Variants in RASAL2 observed in about 807,000 individuals in gnomAD.
RASAL2 encodes ras GTPase-activating protein nGAP.
Under a neutral mutation model 128.9 loss-of-function variants are expected in RASAL2, and 58 were observed. The observed-to-expected ratio is 0.45, with a 90% CI of 0.36 to 0.56. The LOEUF (loss-of-function observed/expected upper bound fraction) is 0.56, where lower values mean the gene tolerates loss of function less well. Ranked by LOEUF, RASAL2 falls within the 20% of genes least tolerant of loss-of-function variation. The probability of loss-of-function intolerance (pLI) is 0.00; values close to 1 mark genes in which losing one functional copy is unlikely to be tolerated. For missense variants in RASAL2, 1,360 were observed against 1,601.6 expected, an observed-to-expected ratio of 0.85 and a Z score of 2.57; for synonymous variants, 561 against 580.8, an observed-to-expected ratio of 0.97 and a Z score of 0.49.
chr1:178,240,930 T>A (rs1664470496), intron 1 of RASAL2, among the ~76,000 whole-genome samples: 1 of 151,458 alleles, frequency 6.6e-6, no homozygotes, highest in South Asian at 2.1e-4. Context: ...TTTATACATA[T>A]TTTTATTTTT....
At chr1:178,162,174 C>G (rs1164834859) in intron 1 of RASAL2, among the ~76,000 whole-genome samples, 2 of 147,780 alleles carry the variant, frequency 1.4e-5, no homozygotes, top group African/African-American at 5.0e-5. Flanking sequence ...ACCGTGTTAG[C>G]CAGGATGGTC....
intron 1 of RASAL2, among the ~76,000 whole-genome samples, chr1:178,108,392 A>T (rs1435446744): frequency 6.6e-6 from 1 of 152,194 alleles, no homozygotes; most frequent in Non-Finnish European, 1.5e-5. Context: ...GAGCATGATG[A>T]TAATGATGAT....
At chr1:178,464,011 A>G (rs1647379384) in intron 14 of RASAL2, among the ~76,000 whole-genome samples, 1 of 152,206 alleles carries the variant, frequency 6.6e-6, no homozygotes, top group South Asian at 2.1e-4. Flanking sequence ...AACAATTTTA[A>G]GGCTTTGACT....
At chr1:178,098,229 T>C (rs533529307) in intron 1 of RASAL2, among the ~76,000 whole-genome samples, 8 of 152,354 alleles carry the variant, frequency 5.3e-5, no homozygotes, top group Admixed American at 3.3e-4. Context: ...AGTAAGTCAG[T>C]GTCTGTTGTA....
chr1:178,464,568 GT>G (rs1484550352), intron 15 of RASAL2, among the ~76,000 whole-genome samples, 156 bp downstream of exon 15: 3 of 57,216 alleles, frequency 5.2e-5, no homozygotes, highest in Non-Finnish European at 9.1e-5. Flanking sequence ...TAGGTCAGTG[GT>G]GTGTGTGTGT....
At chr1:178,273,030 C>A (rs892536347) in intron 1 of RASAL2, among the ~76,000 whole-genome samples, 2 of 152,010 alleles carry the variant, frequency 1.3e-5, no homozygotes, top group Non-Finnish European at 2.9e-5. Flanking sequence ...GAACCCTGCA[C>A]GTGTATTGTG....
chr1:178,167,533 G>GCCAT (rs1661558645), intron 1 of RASAL2, among the ~76,000 whole-genome samples: 1 of 151,924 alleles, frequency 6.6e-6, no homozygotes, highest in African/African-American at 2.4e-5. Flanking sequence ...AATGGGTATG[G>GCCAT]GGGTGTCTAT....
intron 1 of RASAL2, among the ~76,000 whole-genome samples, chr1:178,224,315 C>CTT (rs1369035359): frequency 6.7e-6 from 1 of 148,774 alleles, no homozygotes; most frequent in Admixed American, 6.7e-5. Flanking sequence ...TTAAATAAAT[C>CTT]TTTTATTCCA....
chr1:178,323,361 C>CG (rs1668885516), intron 3 of RASAL2, among the ~76,000 whole-genome samples: 1 of 152,108 alleles, frequency 6.6e-6, no homozygotes, highest in East Asian at 1.9e-4. Flanking sequence ...TCTTGACTTT[C>CG]AGGTGGAGCA....
At chr1:178,096,361 G>T (rs1658682304) in intron 1 of RASAL2, among the ~76,000 whole-genome samples, 1 of 152,040 alleles carries the variant, frequency 6.6e-6, no homozygotes, top group Admixed American at 6.6e-5. Context: ...TGGACCTAGT[G>T]TTAACTATCG....
intron 2 of RASAL2, among the ~76,000 whole-genome samples, chr1:178,287,588 G>T (rs920150467): frequency 6.6e-6 from 1 of 152,066 alleles, no homozygotes; most frequent in Non-Finnish European, 1.5e-5. Context: ...TACGGAACCA[G>T]CCCAAATGCC....
chr1:178,275,434 A>T (rs1666456659), intron 1 of RASAL2, among the ~76,000 whole-genome samples: 1 of 152,244 alleles, frequency 6.6e-6, no homozygotes, highest in African/African-American at 2.4e-5. Context: ...TGTGATCAGG[A>T]CAGTGCAAAC....
chr1:178,431,538 T>G (rs1004230424), intron 5 of RASAL2, among the ~76,000 whole-genome samples: 2 of 152,100 alleles, frequency 1.3e-5, no homozygotes, highest in Non-Finnish European at 2.9e-5. Flanking sequence ...ATCAAAAATT[T>G]AAATGCATAT....
intron 1 of RASAL2, among the ~76,000 whole-genome samples, chr1:178,197,502 G>A (rs1193652396): frequency 6.6e-6 from 1 of 151,394 alleles, no homozygotes; most frequent in African/African-American, 2.4e-5. Context: ...CCAGCTACTC[G>A]GGAGGCTGAG....
rs370609246 is a variant in RASAL2, at chr1:178,357,405, T to C, written c.458-32695T>C. Among the ~76,000 whole-genome samples the C allele has an allele frequency of 2.6e-5, 4 of 152,184 alleles. 1 individual carries two copies. In the East Asian group the frequency reaches 7.7e-4, roughly 29 times the overall value. On this transcript the variant is annotated intron_variant, in intron 3 of 17. Transcript: ENST00000367649. Reference sequence around the variant, plus strand: ...GCACAGTGATGTAAAAGCTACCCTTTATCATCAGCTAAATGTCTATATGTC... The same window carrying C: ...GCACAGTGATGTAAAAGCTACCCTTCATCATCAGCTAAATGTCTATATGTC...
intron 3 of RASAL2, among the ~76,000 whole-genome samples, chr1:178,371,519 A>G (rs1244832285): frequency 2.6e-5 from 4 of 152,008 alleles, no homozygotes; most frequent in African/African-American, 9.7e-5. Context: ...TACAGATTCC[A>G]TTATTGTCGA....
At chr1:178,353,923 A>G (rs1279986188) in intron 3 of RASAL2, among the ~76,000 whole-genome samples, 20 of 152,088 alleles carry the variant, frequency 1.3e-4, no homozygotes, top group Admixed American at 1.2e-3. Flanking sequence ...GTGAGCCAAG[A>G]TTGTGCCACT....
chr1:178,473,421 A>C lies in RASAL2; in HGVS notation c.*182A>C, dbSNP rs756025640. On this transcript the variant is annotated 3_prime_UTR_variant, in exon 18 of 18. Transcript: ENST00000367649. ...CATAAGGCGGCGACTTCCAAGGTCA[A>C]TGCTTTTCCCCCACATCTCTATGTA... is the stretch of plus-strand genomic sequence containing the variant. The C allele has an allele frequency of 5.2e-4, 361 of 689,702 alleles. No homozygotes were observed. Among genetic ancestry groups the C allele is most frequent in the Non-Finnish European group, 8.0e-4 (334 of 418,798 alleles). 42.7% of individuals were successfully genotyped at this position (689,702 alleles called of 1,614,324 possible).
chr1:178,413,293 A>G (rs1262188008), intron 4 of RASAL2, among the ~76,000 whole-genome samples: 1 of 152,198 alleles, frequency 6.6e-6, no homozygotes, highest in East Asian at 1.9e-4. Context: ...CTGCTCTCAG[A>G]AGAAACTAAT....
Sources: gnomAD v4.1 joint callset for allele counts (sites outside exome capture counted in the v4.1 genomes callset) on GRCh38, gnomAD v4.1.1 for gene constraint, MANE v1.5 for transcripts, NCBI Gene and HGNC (gene_info 2026-07-23, HGNC 2026-07-21) for gene names.